Variants in CRACR2A observed in about 807,000 individuals in gnomAD.
CRACR2A encodes EF-hand calcium-binding domain-containing protein 4B.
In CRACR2A, 79 loss-of-function variants were observed where a neutral mutation model predicts 90.5. That is an observed-to-expected ratio of 0.87 (90% CI 0.73 to 1.05). The LOEUF (loss-of-function observed/expected upper bound fraction) is 1.05. Ranked by LOEUF, CRACR2A falls within the 50% of genes least tolerant of loss-of-function variation. The probability of loss-of-function intolerance (pLI) is 0.00; values close to 1 mark genes in which losing one functional copy is unlikely to be tolerated. For synonymous variants in CRACR2A, 338 were observed against 356.7 expected (o/e 0.95, Z 0.59); for missense variants, 823 against 897.2 (o/e 0.92, Z 1.06).
intron 8 of CRACR2A, among the ~76,000 whole-genome samples, chr12:3,657,264 G>A (rs1944928855): frequency 6.6e-6 from 1 of 152,266 alleles, no homozygotes; most frequent in African/African-American, 2.4e-5. Flanking sequence ...CCACTTGCCT[G>A]AAGGCGGAAT....
At chr12:3,622,560 T>C (rs536980985) in intron 17 of CRACR2A, among the ~76,000 whole-genome samples, 1 of 152,310 alleles carries the variant, frequency 6.6e-6, no homozygotes, top group African/African-American at 2.4e-5. Flanking sequence ...AGCTGTCAAC[T>C]TGGAGCAGTG....
intron 4 of CRACR2A, among the ~76,000 whole-genome samples, chr12:3,695,492 G>A (rs551703902): frequency 1.3e-5 from 2 of 152,262 alleles, no homozygotes; most frequent in South Asian, 2.1e-4. Flanking sequence ...ATAGCTCCAG[G>A]AGAAGCATAA....
chr12:3,680,144 C>A, intron 5 of CRACR2A, 94 bp downstream of exon 5: 1 of 1,013,586 alleles, frequency 9.9e-7, no homozygotes, highest in South Asian at 1.4e-5. Context: ...AGCTTTACTA[C>A]CTGCCCCCCA....
chr12:3,682,314 A>G (rs1945470626), intron 4 of CRACR2A, among the ~76,000 whole-genome samples: 1 of 152,154 alleles, frequency 6.6e-6, no homozygotes, highest in Non-Finnish European at 1.5e-5. Flanking sequence ...GACCCTCAAC[A>G]TGCCTTTCAC....
chr12:3,662,913 C>T (rs1293455459), intron 7 of CRACR2A, among the ~76,000 whole-genome samples: 1 of 152,364 alleles, frequency 6.6e-6, no homozygotes, highest in South Asian at 2.1e-4. Flanking sequence ...TATACATCCT[C>T]GTTGCCACAA....
At chr12:3,631,913 T>G (rs1305589349) in intron 15 of CRACR2A, among the ~76,000 whole-genome samples, 1 of 152,104 alleles carries the variant, frequency 6.6e-6, no homozygotes, top group African/African-American at 2.4e-5. Context: ...AGGTTGAAGA[T>G]GGTTGAGTCA....
rs552165043 is a variant in CRACR2A at position 3,726,194 on chromosome 12, T to C, written c.-118+6748A>G. 1.1e-4 allele frequency: 16 copies of C among 150,018 alleles called. No homozygotes were observed. In the East Asian group the frequency reaches 2.9e-3, roughly 27 times the overall value. 9.3% of individuals were successfully genotyped at this position (150,018 alleles called of 1,614,324 possible). A position where few individuals can be genotyped will look rare whatever the true frequency, so the allele number is the denominator to read the frequency against. On this transcript the variant is annotated intron_variant, in intron 2 of 19. Coordinates refer to ENST00000440314, the MANE Select transcript of CRACR2A (RefSeq NM_001144958.2). ...TATATATAAATACATACTATATGTATATTTTATATATATACGTATATACAC... is the reference window on the plus strand; with the variant it reads ...TATATATAAATACATACTATATGTACATTTTATATATATACGTATATACAC...
At chr12:3,634,936 G>A (rs1944432494) in intron 14 of CRACR2A, among the ~76,000 whole-genome samples, 1 of 152,032 alleles carries the variant, frequency 6.6e-6, no homozygotes, top group South Asian at 2.1e-4. Context: ...CAATGCACAA[G>A]GGCACCAACT....
chr12:3,747,097 G>A (rs2137924333), intron 1 of CRACR2A, among the ~76,000 whole-genome samples: 1 of 152,338 alleles, frequency 6.6e-6, no homozygotes, highest in East Asian at 1.9e-4. Context: ...TCTGCACTAA[G>A]CATTCAGAGG....
At chr12:3,710,609 A>G (rs1382746475) in intron 3 of CRACR2A, among the ~76,000 whole-genome samples, 2 of 152,006 alleles carry the variant, frequency 1.3e-5, no homozygotes, top group South Asian at 2.1e-4. Context: ...CCTGGCCAAC[A>G]TGGTGAAACC....
intron 17 of CRACR2A, among the ~76,000 whole-genome samples, chr12:3,620,551 G>GA (rs1262187259): frequency 1.3e-5 from 2 of 152,104 alleles, no homozygotes; most frequent in African/African-American, 4.8e-5. Context: ...TTTAATAGGG[G>GA]AAAAAAATTC....
intron 6 of CRACR2A, 129 bp downstream of exon 6, chr12:3,678,786 C>T: frequency 1.0e-6 from 1 of 995,940 alleles, no homozygotes; most frequent in East Asian, 2.7e-5. Flanking sequence ...ACCAGCGGGC[C>T]TTTACCTGCA....
At chr12:3,737,189 G>A (rs368995559) in intron 1 of CRACR2A, among the ~76,000 whole-genome samples, 7 of 152,146 alleles carry the variant, frequency 4.6e-5, no homozygotes, top group Non-Finnish European at 8.8e-5. Context: ...TTGGGTCCAC[G>A]GGGTGAATAG....
chr12:3,682,820 C>T (rs1035383591), intron 4 of CRACR2A, among the ~76,000 whole-genome samples: 2 of 150,804 alleles, frequency 1.3e-5, no homozygotes, highest in Non-Finnish European at 2.9e-5. Flanking sequence ...GACAGAGTCT[C>T]GCTCTGTCAC....
intron 2 of CRACR2A, among the ~76,000 whole-genome samples, chr12:3,721,844 C>T (rs1946182838): frequency 6.6e-6 from 1 of 152,036 alleles, no homozygotes; most frequent in South Asian, 2.1e-4. Context: ...ATGTTAACCC[C>T]CAGGGCTGTG....
At chr12:3,681,632 C>A (rs920440236) in intron 4 of CRACR2A, among the ~76,000 whole-genome samples, 2 of 152,242 alleles carry the variant, frequency 1.3e-5, no homozygotes, top group Admixed American at 1.3e-4. Context: ...TAAGCGGTAA[C>A]CGTGCGAAAT....
intron 4 of CRACR2A, among the ~76,000 whole-genome samples, chr12:3,688,566 G>C (rs1004484022): frequency 6.6e-6 from 1 of 152,138 alleles, no homozygotes; most frequent in East Asian, 1.9e-4. Flanking sequence ...TTTTGTGTCA[G>C]TACCATGCTG....
intron 3 of CRACR2A, among the ~76,000 whole-genome samples, chr12:3,705,628 C>A (rs1426807780): frequency 6.6e-6 from 1 of 152,152 alleles, no homozygotes; most frequent in African/African-American, 2.4e-5. Flanking sequence ...ACCTGGAAGC[C>A]CCAGTGATTA....
chr12:3,710,622 G>A (rs568566204), intron 3 of CRACR2A, among the ~76,000 whole-genome samples: 25 of 151,980 alleles, frequency 1.6e-4, no homozygotes, highest in African/African-American at 3.4e-4. Context: ...GTGAAACCCC[G>A]TCTCTACTAA....
Sources: gnomAD v4.1 joint callset for allele counts (sites outside exome capture counted in the v4.1 genomes callset) on GRCh38, gnomAD v4.1.1 for gene constraint, MANE v1.5 for transcripts, NCBI Gene and HGNC (gene_info 2026-07-23, HGNC 2026-07-21) for gene names.